The following RSPRY1 variants were observed in gnomAD, a reference collection of about 807,000 sequenced individuals.
RSPRY1 encodes ring finger and SPRY domain containing 1.
In RSPRY1, 23 loss-of-function variants were observed where a neutral mutation model predicts 73.1. That is an observed-to-expected ratio of 0.31 (90% CI 0.23 to 0.45). RSPRY1 has a LOEUF of 0.45. RSPRY1 is among the 20% of genes least tolerant of loss of function. RSPRY1 has a pLI of 1.00. For missense variants in RSPRY1, 448 were observed against 698.7 expected, an observed-to-expected ratio of 0.64 and a Z score of 4.05; for synonymous variants, 226 against 251.4, an observed-to-expected ratio of 0.90 and a Z score of 0.95.
intron 4 of RSPRY1, among the ~76,000 whole-genome samples, chr16:57,211,567 T>TCAA (rs1391661258): frequency 1.9e-4 from 29 of 152,072 alleles, no homozygotes; most frequent in Non-Finnish European, 1.2e-4. Flanking sequence ...AGACTCCATC[T>TCAA]CAACAACAAC....
intron 1 of RSPRY1, among the ~76,000 whole-genome samples, chr16:57,202,519 A>G: frequency 6.6e-6 from 1 of 152,198 alleles, no homozygotes; most frequent in Non-Finnish European, 1.5e-5. Context: ...TCTAAAGCGA[A>G]TCATACTCTG....
At chr16:57,199,761 C>T (rs2074525598) in intron 1 of RSPRY1, among the ~76,000 whole-genome samples, 1 of 151,668 alleles carries the variant, frequency 6.6e-6, no homozygotes. Context: ...GGCCCAGAGC[C>T]AGACCTGTCC....
At position 57,239,285 on chromosome 16, in the gene RSPRY1, C is replaced by G. The variant is rs780837097; in HGVS notation, c.*310C>G. 2.5e-4 allele frequency: 43 copies of G among 171,288 alleles called. No individual in the cohort carries two copies. The highest frequency in any genetic ancestry group is 4.7e-4 in the Non-Finnish European group (38 of 80,356). 10.6% of individuals were successfully genotyped at this position (171,288 alleles called of 1,614,324 possible). On this transcript the variant is annotated 3_prime_UTR_variant, in exon 15 of 15. Transcript: ENST00000394420. Reference sequence around the variant, plus strand: ...GTACTGAAATCACACTGGAATCCCCCTTGTTGGGTTCATTTGATTGTTTAA... The same window carrying G: ...GTACTGAAATCACACTGGAATCCCCGTTGTTGGGTTCATTTGATTGTTTAA...
chr16:57,230,674 C>A, intron 11 of RSPRY1, 37 bp from the exon 12 acceptor site: 2 of 1,151,856 alleles, frequency 1.7e-6, no homozygotes, highest in Non-Finnish European at 2.6e-6. Flanking sequence ...TGGTAGTACA[C>A]ATCATTATCC....
intron 1 of RSPRY1, among the ~76,000 whole-genome samples, chr16:57,202,880 A>ATATATATATATATATATATATATATC (rs2074648676): frequency 3.6e-5 from 1 of 27,910 alleles, no homozygotes; most frequent in African/African-American, 2.2e-4. Flanking sequence ...ACATATGATT[A>ATATATATATATATATATATATATATC]TATATATATA....
chr16:57,230,850 G>T, intron 12 of RSPRY1, 37 bp downstream of exon 12: 1 of 1,160,828 alleles, frequency 8.6e-7, no homozygotes. Flanking sequence ...TCGAGTAGAT[G>T]CACGGAATGC....
chr16:57,230,610 A>T (rs2075200608), intron 11 of RSPRY1, 101 bp from the exon 12 acceptor site: 2 of 624,954 alleles, frequency 3.2e-6, no homozygotes, highest in Non-Finnish European at 5.7e-6. Context: ...ATAGCTAAAG[A>T]TGCAGACTTA....
Position 57,220,745 on chromosome 16 carries a change from T to G in RSPRY1, c.915T>G (p.Gly305=). 6.2e-7 allele frequency: 1 copy of G among 1,611,822 alleles called. No individual in the cohort carries two copies. Among genetic ancestry groups the G allele is most frequent in the Non-Finnish European group, 8.5e-7 (1 of 1,177,932 alleles). ...WSLDNLFLKE[G]RQLTYEKVNL... Reference sequence around the variant, plus strand: ...TTTCTTTTGCAGTTTTAAAAGAAGGTAGACAGCTGACCTATGAGAAAGTGA... The same window carrying G: ...TTTCTTTTGCAGTTTTAAAAGAAGGGAGACAGCTGACCTATGAGAAAGTGA... Residue 305 remains glycine, a synonymous_variant, in exon 9 of 15, where the codon GGT becomes GGG. Coordinates refer to ENST00000394420, the MANE Select transcript of RSPRY1 (RefSeq NM_133368.3).
intron 2 of RSPRY1, among the ~76,000 whole-genome samples, chr16:57,206,264 G>A (rs1192652888): frequency 6.6e-6 from 1 of 152,048 alleles, no homozygotes; most frequent in African/African-American, 2.4e-5. Context: ...AAATTATCCA[G>A]GTACAGTGGC....
At chr16:57,198,110 G>A (rs150442259) in intron 1 of RSPRY1, among the ~76,000 whole-genome samples, 4,024 of 152,130 alleles carry the variant, frequency 0.026, 185 homozygotes, top group African/African-American at 0.091. Flanking sequence ...AATGGGCCGG[G>A]CACGGTGGCT....
intron 2 of RSPRY1, among the ~76,000 whole-genome samples, chr16:57,205,826 G>C (rs1364304526): frequency 6.6e-5 from 10 of 152,206 alleles, no homozygotes; most frequent in Non-Finnish European, 1.0e-4. Flanking sequence ...GGATTATCAT[G>C]AGATAATGTA....
chr16:57,203,219 C>T (rs1198402488), intron 1 of RSPRY1, among the ~76,000 whole-genome samples: 1 of 152,058 alleles, frequency 6.6e-6, no homozygotes, highest in Non-Finnish European at 1.5e-5. Flanking sequence ...TTGCTTGAAC[C>T]CAGGAGGTGG....
intron 11 of RSPRY1, among the ~76,000 whole-genome samples, chr16:57,230,459 C>T (rs751226269): frequency 9.2e-5 from 14 of 152,204 alleles, no homozygotes; most frequent in Non-Finnish European, 1.3e-4. Context: ...CACATTTTAA[C>T]ATCTTTGAAA....
At chr16:57,234,545 G>A (rs1296892943) in intron 13 of RSPRY1, among the ~76,000 whole-genome samples, 1 of 152,206 alleles carries the variant, frequency 6.6e-6, no homozygotes, top group African/African-American at 2.4e-5. Context: ...AAGCCCGTAA[G>A]TGAACTGAAT....
At position 57,218,720 on chromosome 16, in the gene RSPRY1, C is replaced by CTTTTTTTT. The variant is rs869295634; in HGVS notation, c.901+1711_901+1718dup. ...CCATTTTGTATATGTGCCACATTTTCTTTTTTTTTTTTTTTTTTTTTTTTT... is the reference window on the plus strand; with the variant it reads ...CCATTTTGTATATGTGCCACATTTTCTTTTTTTTTTTTTTTTTTTTTTTTTTTTTTTTT... On this transcript the variant is annotated intron_variant, in intron 8 of 14. Transcript: ENST00000394420. Among the ~76,000 whole-genome samples the CTTTTTTTT allele has an allele frequency of 4.9e-4, 20 of 41,118 alleles. 4 individuals carry two copies. Among genetic ancestry groups the CTTTTTTTT allele is most frequent in the African/African-American group, 1.1e-3 (10 of 9,110 alleles). The allele number at this position is 41,118 out of a possible 152,430, so 27.0% of individuals were successfully genotyped here. A position where few individuals can be genotyped will look rare whatever the true frequency, so the allele number is the denominator to read the frequency against.
intron 1 of RSPRY1, among the ~76,000 whole-genome samples, chr16:57,198,152 G>T (rs1395365519): frequency 6.6e-6 from 1 of 152,118 alleles, no homozygotes; most frequent in Non-Finnish European, 1.5e-5. Context: ...TTGGGAGGCC[G>T]AGGCAGGCGG....
chr16:57,235,072 C>G lies in RSPRY1; in HGVS notation c.1530-52C>G, dbSNP rs867742870. On this transcript the variant is annotated intron_variant, in intron 13 of 14. Coordinates refer to ENST00000394420, the MANE Select transcript of RSPRY1 (RefSeq NM_133368.3). ...TCAAAACATTTCATATGCATCACTG[C>G]TAACAGGACCCCTGTTGACAAAATG... 1.5e-5 allele frequency: 19 copies of G among 1,297,746 alleles called. 1 individual carries two copies. The Middle Eastern group carries it at 2.7e-3, about 187-fold the overall frequency. The allele number at this position is 1,297,746 out of a possible 1,614,324, so 80.4% of individuals were successfully genotyped here.
Position 57,209,847 on chromosome 16 carries a change from T to G in RSPRY1, c.516+660T>G, listed in dbSNP as rs114930919. 3.8e-3 allele frequency among the ~76,000 whole-genome samples: 571 copies of G among 151,520 alleles called. 4 individuals are homozygous for G. The highest frequency in any genetic ancestry group is 0.012 in the African/African-American group (485 of 41,274). ...ATGACCCCATGTCTGGCTAATTTTG[T>G]ATTTTTTTTTAGAGATGGGGTTTCA... is the stretch of plus-strand genomic sequence containing the variant. On this transcript the variant is annotated intron_variant, in intron 4 of 14. Coordinates refer to ENST00000394420, the MANE Select transcript of RSPRY1 (RefSeq NM_133368.3).
chr16:57,200,660 G>T (rs2074559210), intron 1 of RSPRY1, among the ~76,000 whole-genome samples: 2 of 136,258 alleles, frequency 1.5e-5, no homozygotes, highest in African/African-American at 2.8e-5. Context: ...CCGGGCGGGG[G>T]GCTGACCCCC....
Sources: allele counts gnomAD v4.1 joint callset (sites outside exome capture counted in the v4.1 genomes callset), GRCh38; gene constraint gnomAD v4.1.1; transcripts MANE v1.5; gene names NCBI Gene and HGNC (gene_info 2026-07-23, HGNC 2026-07-21).